Variants in CLYBL observed in about 807,000 individuals in gnomAD.
CLYBL encodes citramalyl-CoA lyase.
A neutral mutation model predicts 38.9 loss-of-function variants in CLYBL; 31 were observed. The ratio of observed to expected loss-of-function variants is 0.80; its 90% CI spans 0.60 to 1.08. CLYBL has a LOEUF of 1.08. Ranked by LOEUF, CLYBL falls within the 50% of genes least tolerant of loss-of-function variation. The probability of loss-of-function intolerance (pLI) is 0.00; values close to 1 mark genes in which losing one functional copy is unlikely to be tolerated. For missense variants in CLYBL, 434 were observed against 411.6 expected (o/e 1.05, Z -0.47); for synonymous variants, 171 against 158.6 (o/e 1.08, Z -0.59).
intron 2 of CLYBL, among the ~76,000 whole-genome samples, chr13:99,801,108 G>A (rs1053350507): frequency 6.6e-6 from 1 of 152,118 alleles, no homozygotes; most frequent in Non-Finnish European, 1.5e-5. Context: ...CCTTAGTATA[G>A]GCCTTGAGCT....
chr13:99,858,624 G>A (rs2051517623), intron 2 of CLYBL, among the ~76,000 whole-genome samples: 1 of 152,190 alleles, frequency 6.6e-6, no homozygotes, highest in Non-Finnish European at 1.5e-5. Flanking sequence ...GCACACCCAT[G>A]TGCACTGCGG....
chr13:99,626,009 A>T (rs1430114441), intron 1 of CLYBL, among the ~76,000 whole-genome samples: 1 of 152,178 alleles, frequency 6.6e-6, no homozygotes. Flanking sequence ...GGGAGGAGTA[A>T]TTCCACCAGT....
At chr13:99,753,665 TA>T (rs2048997822) in intron 1 of CLYBL, among the ~76,000 whole-genome samples, 1 of 152,244 alleles carries the variant, frequency 6.6e-6, no homozygotes, top group African/African-American at 2.4e-5. Flanking sequence ...TTAGAGTTAT[TA>T]TTTTAGTGGC....
intron 2 of CLYBL, among the ~76,000 whole-genome samples, chr13:99,815,445 G>T (rs1444887314): frequency 6.6e-6 from 1 of 152,146 alleles, no homozygotes; most frequent in Non-Finnish European, 1.5e-5. Context: ...AAATAGCTGG[G>T]TATGGTGGCA....
chr13:99,712,272 G>T (rs1034794412), intron 1 of CLYBL, among the ~76,000 whole-genome samples: 1 of 151,780 alleles, frequency 6.6e-6, no homozygotes, highest in African/African-American at 2.4e-5. Flanking sequence ...TGAGCCATAC[G>T]GTACACTACA....
chr13:99,785,227 A>G (rs1790918986), intron 2 of CLYBL, among the ~76,000 whole-genome samples: 1 of 88,378 alleles, frequency 1.1e-5, no homozygotes, highest in Admixed American at 1.4e-4. Flanking sequence ...TTTTTTTTTA[A>G]AGACAGGGTC....
chr13:99,840,351 C>T (rs1322048112), intron 2 of CLYBL, among the ~76,000 whole-genome samples: 2 of 151,912 alleles, frequency 1.3e-5, no homozygotes, highest in South Asian at 2.1e-4. Flanking sequence ...GTGGCTCATG[C>T]GTGTAATCCC....
At chr13:99,841,596 C>T (rs192263171) in intron 2 of CLYBL, among the ~76,000 whole-genome samples, 4,234 of 152,056 alleles carry the variant, frequency 0.028, 83 homozygotes, top group Non-Finnish European at 0.039. Flanking sequence ...GATGGGGTTT[C>T]GCCATGTTGG....
intron 7 of CLYBL, among the ~76,000 whole-genome samples, chr13:99,886,873 G>C (rs1200363945): frequency 6.6e-6 from 1 of 152,178 alleles, no homozygotes; most frequent in Non-Finnish European, 1.5e-5. Context: ...CTCCCAGAGG[G>C]CAGGGCCAAG....
intron 1 of CLYBL, among the ~76,000 whole-genome samples, chr13:99,664,235 A>G (rs1170983627): frequency 2.6e-5 from 4 of 152,240 alleles, no homozygotes; most frequent in Non-Finnish European, 5.9e-5. Flanking sequence ...TGAACTGGCT[A>G]CAGCAACTTT....
chr13:99,706,635 C>G (rs944866828), intron 1 of CLYBL, among the ~76,000 whole-genome samples: 1 of 152,106 alleles, frequency 6.6e-6, no homozygotes, highest in African/African-American at 2.4e-5. Context: ...CACATATAGT[C>G]AAGTCCAAAT....
chr13:99,621,753 C>T (rs569214861), intron 1 of CLYBL, among the ~76,000 whole-genome samples: 10 of 48,476 alleles, frequency 2.1e-4, no homozygotes, highest in East Asian at 1.9e-3. Context: ...GATTTTTTGG[C>T]GATTTTTTTT....
At chr13:99,612,825 A>G (rs2046648544) in intron 1 of CLYBL, among the ~76,000 whole-genome samples, 2 of 151,848 alleles carry the variant, frequency 1.3e-5, no homozygotes, top group Admixed American at 6.6e-5. Flanking sequence ...CAGATTGGGT[A>G]ACATAGTGAG....
At position 99,892,437 on chromosome 13, in the gene CLYBL, T is replaced by C. The variant is rs2052512069; in HGVS notation, c.*25-6T>C. On this transcript the variant is annotated splice_polypyrimidine_tract_variant and splice_region_variant and intron_variant, in intron 8 of 8. Coordinates refer to ENST00000339105, the MANE Select transcript of CLYBL (RefSeq NM_206808.5). ...TCCCTATTCAGCATGTACTCTTATA[T>C]TGAAGGCTAAAGGGTATTGAAGCTG... The C allele has an allele frequency of 6.6e-6, 1 of 152,670 alleles. No individual in the cohort carries two copies. The highest frequency in any genetic ancestry group is 2.4e-5 in the African/African-American group (1 of 41,452). 9.5% of individuals were successfully genotyped at this position (152,670 alleles called of 1,614,324 possible).
chr13:99,657,885 T>G, intron 1 of CLYBL, among the ~76,000 whole-genome samples: 1 of 152,218 alleles, frequency 6.6e-6, no homozygotes, highest in Non-Finnish European at 1.5e-5. Flanking sequence ...TTGATCCGCT[T>G]TTCCCAGGAA....
chr13:99,663,535 G>A (rs2047438594), intron 1 of CLYBL, among the ~76,000 whole-genome samples: 1 of 152,184 alleles, frequency 6.6e-6, no homozygotes, highest in African/African-American at 2.4e-5. Flanking sequence ...CGCTGAATGA[G>A]CACTCCAGGC....
intron 1 of CLYBL, among the ~76,000 whole-genome samples, chr13:99,723,607 C>G (rs932903309): frequency 2.6e-5 from 4 of 152,130 alleles, no homozygotes; most frequent in African/African-American, 9.7e-5. Flanking sequence ...TTTCTTGAGG[C>G]CCATCTTTTC....
intron 1 of CLYBL, among the ~76,000 whole-genome samples, chr13:99,618,246 T>C (rs1314394095): frequency 6.6e-6 from 1 of 152,152 alleles, no homozygotes; most frequent in Non-Finnish European, 1.5e-5. Context: ...TTTATTTTGG[T>C]AAATTATACA....
chr13:99,697,329 G>C (rs549120741), intron 1 of CLYBL, among the ~76,000 whole-genome samples: 17 of 152,158 alleles, frequency 1.1e-4, no homozygotes, highest in African/African-American at 4.1e-4. Flanking sequence ...TCTCGCTTGC[G>C]TCTTCTTTCG....
Sources: gnomAD v4.1 joint callset for allele counts (sites outside exome capture counted in the v4.1 genomes callset) on GRCh38, gnomAD v4.1.1 for gene constraint, MANE v1.5 for transcripts, NCBI Gene and HGNC (gene_info 2026-07-23, HGNC 2026-07-21) for gene names.